Variants in EPHB2 observed in about 807,000 individuals in gnomAD.
EPHB2 encodes the protein ephrin type-B receptor 2.
EPHB2 carries 18 observed loss-of-function variants against 96.4 expected under a neutral mutation model. The ratio of observed to expected loss-of-function variants is 0.19; its 90% CI spans 0.13 to 0.28. EPHB2 has a LOEUF of 0.28. EPHB2 is among the 10% of genes least tolerant of loss of function. EPHB2 has a pLI of 1.00. For missense variants in EPHB2, 989 were observed against 1,355.4 expected, an observed-to-expected ratio of 0.73 and a Z score of 4.25; for synonymous variants, 506 against 534.1, an observed-to-expected ratio of 0.95 and a Z score of 0.72.
chr1:22,870,874 TG>T (rs1365207510), intron 5 of EPHB2, among the ~76,000 whole-genome samples: 3 of 152,218 alleles, frequency 2.0e-5, no homozygotes, highest in Non-Finnish European at 4.4e-5. Context: ...CATGTCTGAT[TG>T]CATCTTCCTC....
Position 22,784,536 on chromosome 1 carries a change from A to G in EPHB2, c.271A>G (p.Lys91Glu). Residue 91 changes from lysine to glutamate, a missense_variant, in exon 3 of 16, where the codon AAG (lysine) becomes GAG (glutamate). Transcript: ENST00000374630. This position sits in a 1 kb window ranked among gnomAD's most constrained non-coding sequence, Gnocchi z 5.1. ...CGCCCACCGCATCCACGTGGAGATG[A>G]AGTTTTCGGTGCGTGACTGCAGCAG... ...RGAHRIHVEM[K>E]FSVRDCSSIP... The G allele has an allele frequency of 6.2e-7, 1 of 1,613,924 alleles. No homozygotes were observed. The highest frequency in any genetic ancestry group is 8.5e-7 in the Non-Finnish European group (1 of 1,179,822).
intron 1 of EPHB2, among the ~76,000 whole-genome samples, chr1:22,757,656 G>T (rs1644171718): frequency 1.3e-5 from 2 of 152,106 alleles, no homozygotes. Context: ...GAAGCCGGGA[G>T]TTCAAGACCA....
intron 3 of EPHB2, among the ~76,000 whole-genome samples, chr1:22,813,638 A>G (rs939205297): frequency 2.0e-5 from 3 of 152,198 alleles, no homozygotes; most frequent in Non-Finnish European, 2.9e-5. Flanking sequence ...ATTTTCCTGA[A>G]TGAAGTGTCC....
chr1:22,865,884 C>A (rs937389762), intron 5 of EPHB2, among the ~76,000 whole-genome samples: 2 of 152,174 alleles, frequency 1.3e-5, no homozygotes, highest in African/African-American at 4.8e-5. Flanking sequence ...TCCTCAAGCT[C>A]ACCTTTAGTA....
Position 22,906,754 on chromosome 1 carries a change from A to AAG in EPHB2, c.1941_1942dup (p.Ile648ArgfsTer22). 1 of 1,614,214 alleles carries AAG rather than the reference A, an allele frequency of 6.2e-7. No individual in the cohort carries two copies. Among genetic ancestry groups the AAG allele is most frequent in the Non-Finnish European group, 8.5e-7 (1 of 1,180,034 alleles). On this transcript the variant is annotated frameshift_variant, in exon 11 of 16. Coordinates refer to ENST00000374630, the MANE Select transcript of EPHB2 (RefSeq NM_017449.5). LOFTEE classifies it high-confidence loss of function. The surrounding 1 kb of genome is among the most constrained non-coding windows in gnomAD (Gnocchi z 4.8). ...CAGTGGCCACCTGAAGCTGCCAGGC[A>AAG]AGAGAGAGATCTTTGTGGCCATCAA...
chr1:22,894,532 G>A (rs1490351545), intron 7 of EPHB2, among the ~76,000 whole-genome samples: 1 of 151,710 alleles, frequency 6.6e-6, no homozygotes, highest in Non-Finnish European at 1.5e-5. Context: ...GGGAAGCAGA[G>A]GTTGCAGTGA....
At position 22,810,811 on chromosome 1, in the gene EPHB2, T is replaced by A. The variant is rs540764695; in HGVS notation, c.811+25735T>A. On this transcript the variant is annotated intron_variant, in intron 3 of 15. Transcript: ENST00000374630. ...CCCCTGAAATGTCACCTGGTCCCTG[T>A]CATCCCACCCCAAGGCCGGGAAAGA... is the stretch of plus-strand genomic sequence containing the variant. 1.4e-4 allele frequency among the ~76,000 whole-genome samples: 21 copies of A among 152,274 alleles called. No homozygotes were observed. In the East Asian group the frequency reaches 3.5e-3, roughly 25 times the overall value.
chr1:22,774,804 T>C (rs1644425464), intron 1 of EPHB2, among the ~76,000 whole-genome samples: 1 of 152,168 alleles, frequency 6.6e-6, no homozygotes, highest in South Asian at 2.1e-4. Context: ...CAGGCCTAGT[T>C]CTCAGTGTTG....
Position 22,759,854 on chromosome 1 carries a change from A to G in EPHB2, c.62-21567A>G, listed in dbSNP as rs1188567201. On this transcript the variant is annotated intron_variant, in intron 1 of 15. Coordinates refer to ENST00000374630, the MANE Select transcript of EPHB2 (RefSeq NM_017449.5). Reference sequence around the variant, plus strand: ...GGAGGGATTCTCTCACCACAGCCACACCCACTGCTTCAAAGCCAAATTTTG... The same window carrying G: ...GGAGGGATTCTCTCACCACAGCCACGCCCACTGCTTCAAAGCCAAATTTTG... 2.6e-5 allele frequency among the ~76,000 whole-genome samples: 4 copies of G among 152,224 alleles called. No homozygotes were observed. In the East Asian group the frequency reaches 7.7e-4, roughly 29 times the overall value.
At chr1:22,759,240 C>T (rs1411566449) in intron 1 of EPHB2, among the ~76,000 whole-genome samples, 1 of 152,108 alleles carries the variant, frequency 6.6e-6, no homozygotes, top group Non-Finnish European at 1.5e-5. Flanking sequence ...TTGAGCAAAA[C>T]CCTTGGCCTC....
chr1:22,737,471 T>TCCCATG (rs767770565), intron 1 of EPHB2, among the ~76,000 whole-genome samples: 33 of 152,212 alleles, frequency 2.2e-4, no homozygotes, highest in Non-Finnish European at 4.3e-4. Context: ...TGTTATAAAC[T>TCCCATG]CCCATGCCCC....
chr1:22,737,871 C>G (rs2148360723), intron 1 of EPHB2, among the ~76,000 whole-genome samples: 1 of 152,266 alleles, frequency 6.6e-6, no homozygotes, highest in South Asian at 2.1e-4. Context: ...CATGACACTC[C>G]CACAAGACCT....
Position 22,846,537 on chromosome 1 carries a change from C to A in EPHB2, c.812-16500C>A, listed in dbSNP as rs1382513560. Among the ~76,000 whole-genome samples the A allele has an allele frequency of 2.0e-5, 3 of 152,148 alleles. No homozygotes were observed. The highest frequency in any genetic ancestry group is 4.8e-5 in the African/African-American group (2 of 41,428). On this transcript the variant is annotated intron_variant, in intron 3 of 15. Coordinates refer to ENST00000374630, the MANE Select transcript of EPHB2 (RefSeq NM_017449.5). This position sits in a 1 kb window ranked among gnomAD's most constrained non-coding sequence, Gnocchi z 4.3. ...AAGACAGAACTGCCCGATCTGCAGG[C>A]CTTGGGCATGGAGAGGTTGGCACGC...
intron 14 of EPHB2, among the ~76,000 whole-genome samples, chr1:22,911,456 A>G (rs1318794947): frequency 6.6e-6 from 1 of 152,068 alleles, no homozygotes; most frequent in East Asian, 1.9e-4. Flanking sequence ...TGTACTCACC[A>G]TACACCCATC....
chr1:22,897,441 T>C (rs368985640), intron 9 of EPHB2, among the ~76,000 whole-genome samples: 8 of 152,064 alleles, frequency 5.3e-5, no homozygotes, highest in East Asian at 1.9e-4. Context: ...CACACAACTG[T>C]CGTGGGCCTA....
intron 1 of EPHB2, among the ~76,000 whole-genome samples, chr1:22,772,818 A>G (rs575120107): frequency 6.6e-6 from 1 of 152,316 alleles, no homozygotes; most frequent in East Asian, 1.9e-4. Flanking sequence ...CAGAGGGTTT[A>G]GCTCAGAGCC....
intron 3 of EPHB2, among the ~76,000 whole-genome samples, chr1:22,823,638 A>G (rs1645183337): frequency 6.6e-6 from 1 of 152,250 alleles, no homozygotes; most frequent in African/African-American, 2.4e-5. Context: ...GATATAATAA[A>G]TATTAATTAA....
rs935899917 is a variant in EPHB2, at chr1:22,790,318, G to A, written c.811+5242G>A. Among the ~76,000 whole-genome samples, 1 of 151,946 alleles carries A rather than the reference G, an allele frequency of 6.6e-6. No homozygotes were observed. Among genetic ancestry groups the A allele is most frequent in the Non-Finnish European group, 1.5e-5 (1 of 67,980 alleles). On this transcript the variant is annotated intron_variant, in intron 3 of 15. Transcript: ENST00000374630. The surrounding 1 kb of genome is among the most constrained non-coding windows in gnomAD (Gnocchi z 4.0). The stretch of plus-strand genomic sequence containing the variant: ...TTCATTTTTTATCGCATGCCTAATC[G>A]GGGTCTACACTGGGCATACAGCTGC...
At chr1:22,760,367 G>T (rs1305530654) in intron 1 of EPHB2, among the ~76,000 whole-genome samples, 3 of 152,184 alleles carry the variant, frequency 2.0e-5, no homozygotes, top group African/African-American at 7.2e-5. Context: ...TCAATTCCAC[G>T]CATGGTAGTG....
Sources: gnomAD v4.1 joint callset for allele counts (sites outside exome capture counted in the v4.1 genomes callset) on GRCh38, gnomAD v4.1.1 for gene constraint, Gnocchi (gnomAD v3.1) non-coding constraint, MANE v1.5 for transcripts, NCBI Gene and HGNC (gene_info 2026-07-23, HGNC 2026-07-21) for gene names.